SH3BP5: variants seen among roughly 807,000 people sequenced by gnomAD.
SH3BP5 encodes the protein SH3 domain binding protein 5, also known as SH3 domain-binding protein 5.
Under a neutral mutation model 43.3 loss-of-function variants are expected in SH3BP5, and 22 were observed. The observed-to-expected ratio is 0.51, with a 90% CI of 0.36 to 0.73. SH3BP5 has a LOEUF of 0.73. Ranked by LOEUF, SH3BP5 falls within the 30% of genes least tolerant of loss-of-function variation. SH3BP5 has a pLI of 0.00. For synonymous variants in SH3BP5, 255 were observed against 225.8 expected (o/e 1.13, Z -1.16); for missense variants, 529 against 586.9 (o/e 0.90, Z 1.02).
At chr3:15,337,084 G>GTTTTTTTTT, upstream of SH3BP5, among the ~76,000 whole-genome samples, 2 of 100,128 alleles carry the variant, frequency 2.0e-5, no homozygotes, top group South Asian at 3.3e-4. Context: ...TTTTAGTTTA[G>GTTTTTTTTT]TTTTTTTTTT....
intron 2 of SH3BP5, among the ~76,000 whole-genome samples, chr3:15,322,211 A>T (rs1048000013): frequency 6.6e-6 from 1 of 151,862 alleles, no homozygotes; most frequent in African/African-American, 2.4e-5. Context: ...TCAAAAAAAA[A>T]AATAATAACT....
In SH3BP5 at chr3:15,256,863, T is replaced by C; in HGVS notation, c.1140A>G (p.Glu380=). 1 of 1,610,372 alleles carries C rather than the reference T, an allele frequency of 6.2e-7. No individual in the cohort carries two copies. Among genetic ancestry groups the C allele is most frequent in the Admixed American group, 1.7e-5 (1 of 59,898 alleles). The change falls in exon 8 of 9, where the codon GAA becomes GAG. Residue 380 remains glutamate, a synonymous_variant. Coordinates refer to ENST00000383791, the MANE Select transcript of SH3BP5 (RefSeq NM_004844.5). ...AAGGCTGCTACTCACCTCGTTCTACTTCACATTCAGGGGAGGAGGCCCCGC... is the reference window on the plus strand; with the variant it reads ...AAGGCTGCTACTCACCTCGTTCTACCTCACATTCAGGGGAGGAGGCCCCGC... ...ECSGASSPEC[E]VERGDRAEGA...
chr3:15,338,172 T>C (rs367822961), intron 1 of SH3BP5, among the ~76,000 whole-genome samples: 2 of 151,798 alleles, frequency 1.3e-5, no homozygotes, highest in African/African-American at 4.8e-5. Flanking sequence ...CAAGACCCCA[T>C]GTCTACCAAA....
intron 3 of SH3BP5, among the ~76,000 whole-genome samples, chr3:15,270,576 C>T (rs548279429): frequency 6.6e-6 from 1 of 152,312 alleles, no homozygotes; most frequent in Non-Finnish European, 1.5e-5. Context: ...CCAATACCAA[C>T]TGTAGCTGAC....
intron 2 of SH3BP5, among the ~76,000 whole-genome samples, chr3:15,307,144 C>A (rs547212601): frequency 1.3e-5 from 2 of 152,298 alleles, no homozygotes; most frequent in Admixed American, 6.5e-5. Context: ...GGGAGCACCT[C>A]AGCTCCCGAG....
intron 3 of SH3BP5, among the ~76,000 whole-genome samples, chr3:15,288,245 C>T (rs757677200): frequency 1.3e-5 from 2 of 152,180 alleles, no homozygotes; most frequent in Non-Finnish European, 2.9e-5. Flanking sequence ...CTGATTTAAA[C>T]GTTAATGTCA....
intron 7 of SH3BP5, 86 bp from the exon 8 acceptor site, chr3:15,257,199 C>T (rs1696241748): frequency 7.2e-7 from 1 of 1,390,124 alleles, no homozygotes; most frequent in Non-Finnish European, 9.9e-7. Flanking sequence ...CAGCTAGACA[C>T]AGCATGGGGG....
chr3:15,332,190 CG>C, intron 1 of SH3BP5, 80 bp downstream of exon 1: 1 of 1,535,536 alleles, frequency 6.5e-7, no homozygotes, highest in Non-Finnish European at 8.7e-7. Flanking sequence ...CTGGGGGCTG[CG>C]AAGTGGCTGT....
At chr3:15,288,748 A>AAAAC (rs1296369342) in intron 3 of SH3BP5, among the ~76,000 whole-genome samples, 5 of 152,030 alleles carry the variant, frequency 3.3e-5, no homozygotes, top group African/African-American at 7.3e-5. Flanking sequence ...TCTCAAAAAC[A>AAAAC]AAACAAACAA....
At chr3:15,307,293 A>T (rs1456199322) in intron 2 of SH3BP5, among the ~76,000 whole-genome samples, 1 of 152,132 alleles carries the variant, frequency 6.6e-6, no homozygotes, top group Non-Finnish European at 1.5e-5. Flanking sequence ...GGCAGAAGAC[A>T]AGACTAGACT....
intron 3 of SH3BP5, among the ~76,000 whole-genome samples, chr3:15,280,361 T>C (rs1054789939): frequency 6.6e-6 from 1 of 151,464 alleles, no homozygotes; most frequent in African/African-American, 2.4e-5. Flanking sequence ...GAGCTGGGGG[T>C]AGACAGCAGT....
intron 3 of SH3BP5, among the ~76,000 whole-genome samples, chr3:15,276,928 C>A (rs1003078692): frequency 3.9e-5 from 6 of 152,044 alleles, no homozygotes; most frequent in Non-Finnish European, 8.8e-5. Flanking sequence ...ACCCGACAGG[C>A]CTAACCCAGA....
chr3:15,339,394 C>A (rs1698737662), intron 1 of SH3BP5, among the ~76,000 whole-genome samples: 1 of 152,082 alleles, frequency 6.6e-6, no homozygotes, highest in African/African-American at 2.4e-5. Context: ...GTGCTGGAAT[C>A]CTGGAGATGG....
At chr3:15,302,936 G>A (rs1697793713) in intron 3 of SH3BP5, among the ~76,000 whole-genome samples, 1 of 151,712 alleles carries the variant, frequency 6.6e-6, no homozygotes, top group African/African-American at 2.4e-5. Flanking sequence ...TGCCTCCCTA[G>A]TGACTGGGAT....
chr3:15,273,122 G>A (rs1032487522), intron 3 of SH3BP5: 1 of 985,122 alleles, frequency 1.0e-6, no homozygotes, highest in African/African-American at 1.7e-5. Flanking sequence ...CTACCTATAT[G>A]CTTCACACCA....
chr3:15,340,652 G>A (rs953913665), intron 1 of SH3BP5, among the ~76,000 whole-genome samples: 7 of 152,076 alleles, frequency 4.6e-5, no homozygotes, highest in Admixed American at 6.5e-5. Context: ...TCAGGAGGCC[G>A]AATTGGGAGA....
chr3:15,269,366 A>T (rs944304359), intron 4 of SH3BP5, among the ~76,000 whole-genome samples: 10 of 152,034 alleles, frequency 6.6e-5, no homozygotes, highest in Non-Finnish European at 1.5e-4. Context: ...CAGATTCGAA[A>T]CCCAGCCAGT....
intron 3 of SH3BP5, among the ~76,000 whole-genome samples, chr3:15,290,474 C>T (rs972366179): frequency 2.0e-4 from 28 of 137,874 alleles, no homozygotes; most frequent in African/African-American, 1.1e-4. Flanking sequence ...TGCAGTGAGC[C>T]GAGATTGCGC....
chr3:15,324,820 AAC>A (rs60317598), intron 2 of SH3BP5, among the ~76,000 whole-genome samples: 28,924 of 150,962 alleles, frequency 0.19, 2,837 homozygotes, highest in Middle Eastern at 0.3. Context: ...CTAAGCTCAA[AAC>A]AGAGTTTTTG....
Sources: gnomAD v4.1 joint callset for allele counts (sites outside exome capture counted in the v4.1 genomes callset) on GRCh38, gnomAD v4.1.1 for gene constraint, MANE v1.5 for transcripts, NCBI Gene and HGNC (gene_info 2026-07-23, HGNC 2026-07-21) for gene names.